SUPT3H: variants seen among roughly 807,000 people sequenced by gnomAD.
The protein encoded by SUPT3H is SPT3 homolog, SAGA and STAGA complex component.
Under a neutral mutation model 44.3 loss-of-function variants are expected in SUPT3H, and 44 were observed. The observed-to-expected ratio is 0.99, with a 90% CI of 0.78 to 1.28. The LOEUF is 1.28. Ranked by LOEUF, SUPT3H falls within the 50% of genes most tolerant of loss-of-function variation. The pLI, the probability that SUPT3H is intolerant of heterozygous loss-of-function variation, is 0.00. For synonymous variants in SUPT3H, 124 were observed against 125.6 expected, an observed-to-expected ratio of 0.99 and a Z score of 0.09; for missense variants, 380 against 387.1, an observed-to-expected ratio of 0.98 and a Z score of 0.15.
intron 4 of SUPT3H, among the ~76,000 whole-genome samples, chr6:45,018,688 G>T (rs1264222135): frequency 2.6e-5 from 4 of 152,086 alleles, no homozygotes; most frequent in African/African-American, 9.7e-5. Flanking sequence ...TGCATACCAT[G>T]GATGAAGCCC....
chr6:44,820,864 T>G (rs1767257418), intron 11 of SUPT3H, among the ~76,000 whole-genome samples: 3 of 152,194 alleles, frequency 2.0e-5, no homozygotes, highest in Admixed American at 2.0e-4. Flanking sequence ...GATTTATGTT[T>G]TTTTGAGACA....
intron 2 of SUPT3H, among the ~76,000 whole-genome samples, chr6:45,363,492 T>C (rs1270041294): frequency 6.6e-6 from 1 of 152,124 alleles, no homozygotes; most frequent in Non-Finnish European, 1.5e-5. Context: ...ACACTGTAAG[T>C]TTGAAAATTC....
intron 6 of SUPT3H, among the ~76,000 whole-genome samples, chr6:44,971,152 A>T (rs534532807): frequency 6.6e-6 from 1 of 152,258 alleles, no homozygotes; most frequent in South Asian, 2.1e-4. Context: ...GAAAATAAAA[A>T]TTTTTATTGC....
intron 10 of SUPT3H, among the ~76,000 whole-genome samples, chr6:44,885,714 C>T (rs1298836124): frequency 6.6e-6 from 1 of 152,182 alleles, no homozygotes; most frequent in Non-Finnish European, 1.5e-5. Context: ...AGCACCTCTC[C>T]TCCTCCAAAG....
At chr6:45,065,585 A>G (rs1019198207) in intron 3 of SUPT3H, among the ~76,000 whole-genome samples, 9 of 151,568 alleles carry the variant, frequency 5.9e-5, no homozygotes, top group Non-Finnish European at 1.0e-4. Context: ...AGAAAAAAAG[A>G]GACAAGAATC....
At chr6:45,263,059 G>A (rs1446042095) in intron 2 of SUPT3H, among the ~76,000 whole-genome samples, 1 of 152,164 alleles carries the variant, frequency 6.6e-6, no homozygotes, top group Non-Finnish European at 1.5e-5. Flanking sequence ...TTCAGCCACT[G>A]TGGAAAGCAG....
chr6:44,978,335 T>A (rs1778624275), intron 6 of SUPT3H, among the ~76,000 whole-genome samples: 1 of 152,184 alleles, frequency 6.6e-6, no homozygotes, highest in Non-Finnish European at 1.5e-5. Context: ...AATCTGAGAC[T>A]CAGAAACATG....
intron 2 of SUPT3H, among the ~76,000 whole-genome samples, chr6:45,256,835 G>A (rs569413581): frequency 9.9e-5 from 15 of 152,210 alleles, no homozygotes; most frequent in East Asian, 1.9e-4. Context: ...ATCCACTCAC[G>A]CACTGATGAA....
chr6:45,030,349 T>C (rs1786721852), intron 3 of SUPT3H, among the ~76,000 whole-genome samples: 1 of 152,204 alleles, frequency 6.6e-6, no homozygotes, highest in African/African-American at 2.4e-5. Flanking sequence ...ATGCCTCTTC[T>C]TTCTCAGCTT....
At chr6:45,094,554 G>T (rs957085248) in intron 3 of SUPT3H, among the ~76,000 whole-genome samples, 1 of 152,124 alleles carries the variant, frequency 6.6e-6, no homozygotes, top group African/African-American at 2.4e-5. Flanking sequence ...TTCCTTCCCA[G>T]TTGATCCTCT....
At chr6:45,344,112 C>T (rs553262216) in intron 2 of SUPT3H, among the ~76,000 whole-genome samples, 2 of 152,070 alleles carry the variant, frequency 1.3e-5, no homozygotes, top group South Asian at 2.1e-4. Context: ...TCCTTTTATT[C>T]GGAGAGATAA....
intron 10 of SUPT3H, among the ~76,000 whole-genome samples, chr6:44,873,431 A>C (rs1034702602): frequency 2.8e-5 from 1 of 35,850 alleles, no homozygotes; most frequent in East Asian, 8.2e-4. Flanking sequence ...GGCAGAAATA[A>C]AGATGTTCTT....
chr6:45,373,155 T>C (rs1353933070), intron 1 of SUPT3H, among the ~76,000 whole-genome samples: 1 of 152,004 alleles, frequency 6.6e-6, no homozygotes, highest in Non-Finnish European at 1.5e-5. Flanking sequence ...TCTCACTATA[T>C]TGCCCATCAC....
chr6:44,859,361 TCAA>T (rs1372659476), intron 10 of SUPT3H, among the ~76,000 whole-genome samples: 2 of 152,198 alleles, frequency 1.3e-5, no homozygotes, highest in African/African-American at 4.8e-5. Context: ...ATCTCCAAAT[TCAA>T]CAATTCTTCA....
At chr6:45,171,034 G>C (rs1219418705) in intron 2 of SUPT3H, among the ~76,000 whole-genome samples, 2 of 152,154 alleles carry the variant, frequency 1.3e-5, no homozygotes, top group Non-Finnish European at 2.9e-5. Flanking sequence ...CTCTGAGACA[G>C]TAACATTCCC....
chr6:45,065,863 C>A (rs576492323), intron 3 of SUPT3H, among the ~76,000 whole-genome samples: 5 of 146,296 alleles, frequency 3.4e-5, no homozygotes, highest in Non-Finnish European at 7.5e-5. Context: ...GGATTCACAG[C>A]CGAATTCTAC....
rs150746580 is a variant in SUPT3H, at chr6:45,350,512, T to C, written c.101+14689A>G. Among the ~76,000 whole-genome samples, 231 of 152,302 alleles carry C rather than the reference T, an allele frequency of 1.5e-3. 2 individuals are homozygous for C. Among genetic ancestry groups the C allele is most frequent in the African/African-American group, 5.2e-3 (215 of 41,568 alleles). The stretch of plus-strand genomic sequence containing the variant: ...GGTTTACATTTTGGCTCAAGCTGCT[T>C]TCTCACAGAAGACCAATAATAGTCA... On this transcript the variant is annotated intron_variant, in intron 2 of 10. Coordinates refer to ENST00000371459, the MANE Select transcript of SUPT3H (RefSeq NM_003599.4).
At chr6:45,112,534 T>A (rs1284978) in intron 2 of SUPT3H, among the ~76,000 whole-genome samples, 3,098 of 152,124 alleles carry the variant, frequency 0.02, 43 homozygotes, top group Non-Finnish European at 0.032. Context: ...CAAGCCCTGA[T>A]TAAGAATAGA....
intron 2 of SUPT3H, among the ~76,000 whole-genome samples, chr6:45,341,045 CTAGT>C (rs1789670376): frequency 6.6e-6 from 1 of 152,140 alleles, no homozygotes; most frequent in Non-Finnish European, 1.5e-5. Context: ...CAAAAATCCA[CTAGT>C]AAGTGTACTT....
Sources: gnomAD v4.1 joint callset for allele counts (sites outside exome capture counted in the v4.1 genomes callset) on GRCh38, gnomAD v4.1.1 for gene constraint, MANE v1.5 for transcripts, NCBI Gene and HGNC (gene_info 2026-07-23, HGNC 2026-07-21) for gene names.